SCHIP1: variants seen among roughly 807,000 people sequenced by gnomAD.
SCHIP1 encodes the protein schwannomin-interacting protein 1.
Under a neutral mutation model 29.7 loss-of-function variants are expected in SCHIP1, and 8 were observed. The observed-to-expected ratio is 0.27, with a 90% confidence interval of 0.16 to 0.49. The LOEUF is 0.49. Among genes scored for constraint, SCHIP1 ranks in the 20% least tolerant of loss-of-function variants. The pLI is 0.99. For synonymous variants in SCHIP1, 76 were observed against 94.9 expected (o/e 0.80, Z 1.16); for missense variants, 193 against 294.6 (o/e 0.66, Z 2.52).
the SCHIP1 span, among the ~76,000 whole-genome samples, chr3:159,539,760 C>A: frequency 7.4e-6 from 1 of 135,778 alleles, no homozygotes; most frequent in African/African-American, 2.5e-5. Context: ...GCTTTCCCCC[C>A]ATTTTAAGCT....
chr3:159,687,306 G>A, the SCHIP1 span, among the ~76,000 whole-genome samples: 1 of 151,866 alleles, frequency 6.6e-6, no homozygotes, highest in Non-Finnish European at 1.5e-5. Context: ...GGAAAAAAGA[G>A]CTCTTTTTCT....
At chr3:159,693,864 A>G in the SCHIP1 span, among the ~76,000 whole-genome samples, 1 of 152,218 alleles carries the variant, frequency 6.6e-6, no homozygotes, top group Non-Finnish European at 1.5e-5. Context: ...AAAAGTAAAT[A>G]TCCATTAAGT....
the SCHIP1 span, among the ~76,000 whole-genome samples, chr3:159,514,583 T>C: frequency 6.6e-6 from 1 of 152,244 alleles, no homozygotes; most frequent in East Asian, 1.9e-4. Context: ...TTTTCTTATT[T>C]GATTTCTCTG....
At chr3:159,811,331 A>G in the SCHIP1 span, among the ~76,000 whole-genome samples, 1 of 152,084 alleles carries the variant, frequency 6.6e-6, no homozygotes, top group Non-Finnish European at 1.5e-5. Flanking sequence ...CCTTTCATGG[A>G]TTATGCTGTT....
the SCHIP1 span, among the ~76,000 whole-genome samples, chr3:159,731,995 C>T: frequency 6.6e-6 from 1 of 152,056 alleles, no homozygotes; most frequent in Admixed American, 6.5e-5. Context: ...GCCGCCAACA[C>T]ACCTGGCTAA....
At chr3:159,562,044 T>A in the SCHIP1 span, among the ~76,000 whole-genome samples, 1 of 152,218 alleles carries the variant, frequency 6.6e-6, no homozygotes, top group African/African-American at 2.4e-5. Context: ...AGTGCTTTCC[T>A]TGCATTTCCT....
chr3:159,841,071 G>T (rs1311310253), intron 1 of SCHIP1, among the ~76,000 whole-genome samples: 2 of 152,200 alleles, frequency 1.3e-5, no homozygotes, highest in Non-Finnish European at 2.9e-5. Context: ...TCAACTGACT[G>T]AGTTTAGAAT....
chr3:159,887,716 G>C lies in SCHIP1; in HGVS notation c.276G>C (p.Gln92His), dbSNP rs768556152. 27 of 1,613,840 alleles carry C rather than the reference G, an allele frequency of 1.7e-5. No homozygotes were observed. In the Admixed American group the frequency reaches 4.0e-4, roughly 24 times the overall value. Residue 92 changes from glutamine (Q) to histidine (H), a missense_variant, in exon 4 of 7, where the codon CAG becomes CAC. Coordinates refer to ENST00000445224, the Ensembl canonical transcript of SCHIP1. ...TCTTTTTCCCTTTGCAGAGCAAACA[G>C]AGTTCTTCCTATTCTGATAGAGACA...
At chr3:159,721,791 T>C in the SCHIP1 span, 5 of 436,918 alleles carry the variant, frequency 1.1e-5, no homozygotes, top group Admixed American at 1.3e-4. Flanking sequence ...CTTCCCCAGC[T>C]GGGCTTTGGC....
chr3:159,424,105 GAA>G, the SCHIP1 span, among the ~76,000 whole-genome samples: 1 of 148,844 alleles, frequency 6.7e-6, no homozygotes, highest in African/African-American at 2.5e-5. Context: ...AAACAGAGCA[GAA>G]AAACTGGAAA....
the SCHIP1 span, among the ~76,000 whole-genome samples, chr3:159,827,454 G>C: frequency 4.6e-5 from 7 of 152,084 alleles, no homozygotes; most frequent in South Asian, 8.3e-4. Context: ...GACATACCAG[G>C]AAAACACATT....
chr3:159,280,944 A>G, the SCHIP1 span, among the ~76,000 whole-genome samples: 1 of 152,226 alleles, frequency 6.6e-6, no homozygotes, highest in Admixed American at 6.5e-5. Flanking sequence ...GACTTGTGCC[A>G]GTAGAAAAGG....
chr3:159,662,038 T>C, the SCHIP1 span, among the ~76,000 whole-genome samples: 2 of 152,200 alleles, frequency 1.3e-5, no homozygotes, highest in East Asian at 1.9e-4. Context: ...TGACTCATCA[T>C]GGTCACCTTC....
the SCHIP1 span, among the ~76,000 whole-genome samples, chr3:159,548,401 T>G: frequency 6.6e-6 from 1 of 152,100 alleles, no homozygotes; most frequent in Non-Finnish European, 1.5e-5. Flanking sequence ...TAACATCAGC[T>G]CATTCTTTTT....
chr3:159,662,357 A>G, the SCHIP1 span, among the ~76,000 whole-genome samples: 1 of 152,162 alleles, frequency 6.6e-6, no homozygotes, highest in Non-Finnish European at 1.5e-5. Context: ...TGCCTTGCTG[A>G]GAAAATTAAA....
intron 2 of SCHIP1, among the ~76,000 whole-genome samples, chr3:159,882,104 TG>T (rs1229240687): frequency 1.3e-5 from 2 of 152,128 alleles, no homozygotes; most frequent in African/African-American, 4.8e-5. Flanking sequence ...CACTTCTCAA[TG>T]GGAGAAGCTG....
At chr3:159,497,885 G>T in the SCHIP1 span, among the ~76,000 whole-genome samples, 1 of 152,106 alleles carries the variant, frequency 6.6e-6, no homozygotes, top group East Asian at 1.9e-4. Context: ...GCTCTCCGAT[G>T]TCAAGAAATA....
At chr3:159,589,115 T>C in the SCHIP1 span, among the ~76,000 whole-genome samples, 1 of 152,224 alleles carries the variant, frequency 6.6e-6, no homozygotes, top group Non-Finnish European at 1.5e-5. Context: ...TGTTCTTCCA[T>C]TCATTTGTGT....
At chr3:159,408,870 T>C in the SCHIP1 span, among the ~76,000 whole-genome samples, 2 of 152,124 alleles carry the variant, frequency 1.3e-5, no homozygotes, top group Non-Finnish European at 2.9e-5. Flanking sequence ...CTGATAAACA[T>C]TGATGGAAAA....
Sources: gnomAD v4.1 joint callset for allele counts (sites outside exome capture counted in the v4.1 genomes callset) on GRCh38, gnomAD v4.1.1 for gene constraint, MANE v1.5 for transcripts, NCBI Gene and HGNC (gene_info 2026-07-23, HGNC 2026-07-21) for gene names.